The following PELI2 variants were observed in gnomAD, a reference collection of about 807,000 sequenced individuals.
PELI2 encodes the protein E3 ubiquitin-protein ligase pellino homolog 2.
In PELI2, 23 loss-of-function variants were observed where a neutral mutation model predicts 42.3. The observed-to-expected ratio is 0.54, with a 90% CI of 0.39 to 0.77. PELI2 has a LOEUF of 0.77. PELI2 is among the 30% of genes least tolerant of loss of function. PELI2 has a pLI of 0.00. For synonymous variants in PELI2, 245 were observed against 212.2 expected (o/e 1.15, Z -1.34); for missense variants, 463 against 553.2 (o/e 0.84, Z 1.64).
At chr14:56,151,981 A>C (rs562391968) in intron 1 of PELI2, among the ~76,000 whole-genome samples, 16 of 152,320 alleles carry the variant, frequency 1.1e-4, no homozygotes, top group African/African-American at 3.8e-4. Context: ...TCAGGGACCC[A>C]GCTTCCATTC....
chr14:56,289,665 A>G (rs943802982), intron 4 of PELI2, among the ~76,000 whole-genome samples: 2 of 152,162 alleles, frequency 1.3e-5, no homozygotes, highest in East Asian at 1.9e-4. Flanking sequence ...TCACCAAGAA[A>G]GCTGAAGGGA....
Position 56,197,759 on chromosome 14 carries a change from A to C in PELI2, c.207+19295A>C, listed in dbSNP as rs1286605663. On this transcript the variant is annotated intron_variant, in intron 2 of 5. Transcript: ENST00000267460. This position sits in a 1 kb window ranked among gnomAD's most constrained non-coding sequence, Gnocchi z 4.9. Reference sequence around the variant, plus strand: ...TAAAGCACATCAGGTAAAAGCTTGCATAGAACGAAAAGATTAACCCAATCC... The same window carrying C: ...TAAAGCACATCAGGTAAAAGCTTGCCTAGAACGAAAAGATTAACCCAATCC... Among the ~76,000 whole-genome samples, 2 of 152,186 alleles carry C rather than the reference A, an allele frequency of 1.3e-5. No individual in the cohort carries two copies. The highest frequency in any genetic ancestry group is 1.9e-4 in the East Asian group (1 of 5,182).
chr14:56,261,808 C>G (rs914236693), intron 2 of PELI2, among the ~76,000 whole-genome samples: 1 of 152,192 alleles, frequency 6.6e-6, no homozygotes, highest in African/African-American at 2.4e-5. Context: ...ATATATTTAT[C>G]TTATAAATCT....
chr14:56,124,923 A>G (rs1033036740), intron 1 of PELI2, among the ~76,000 whole-genome samples: 5 of 152,312 alleles, frequency 3.3e-5, no homozygotes, highest in South Asian at 4.1e-4. Context: ...ATGGGGGGAT[A>G]TCATGAAGGG....
At chr14:56,142,352 A>G (rs1158063356) in intron 1 of PELI2, among the ~76,000 whole-genome samples, 1 of 152,156 alleles carries the variant, frequency 6.6e-6, no homozygotes, top group Non-Finnish European at 1.5e-5. Flanking sequence ...TTAGGCTCCC[A>G]TTTACCAGTA....
At chr14:56,253,964 C>T (rs1357145846) in intron 2 of PELI2, among the ~76,000 whole-genome samples, 7 of 152,176 alleles carry the variant, frequency 4.6e-5, no homozygotes, top group African/African-American at 1.7e-4. Flanking sequence ...GCTACAATAA[C>T]CAAGACAGGA....
At chr14:56,234,266 A>AG (rs1314414516) in intron 2 of PELI2, among the ~76,000 whole-genome samples, 1 of 152,242 alleles carries the variant, frequency 6.6e-6, no homozygotes, top group Non-Finnish European at 1.5e-5. Flanking sequence ...TACCCAAAGG[A>AG]GTATGAATCA....
At chr14:56,222,762 C>T (rs889809738) in intron 2 of PELI2, among the ~76,000 whole-genome samples, 2 of 152,150 alleles carry the variant, frequency 1.3e-5, no homozygotes, top group African/African-American at 2.4e-5. Context: ...GATTCTCTGA[C>T]GCTAGGCTGT....
At chr14:56,194,388 T>G (rs2139693966) in intron 2 of PELI2, among the ~76,000 whole-genome samples, 1 of 152,308 alleles carries the variant, frequency 6.6e-6, no homozygotes, top group East Asian at 1.9e-4. Context: ...TGCATCACGC[T>G]TAAGGTTTTC....
chr14:56,171,198 G>A lies in PELI2; in HGVS notation c.78-7137G>A, dbSNP rs149388810. Among the ~76,000 whole-genome samples, 474 of 152,298 alleles carry A rather than the reference G, an allele frequency of 3.1e-3. 12 individuals carry two copies. Among genetic ancestry groups the A allele is most frequent in the Admixed American group, 0.027 (406 of 15,300 alleles). Reference sequence around the variant, plus strand: ...GAAACTTAATCCCCAATGCAACAGTGTTGAGAGGCGGGACCTATAAGAGGT... The same window carrying A: ...GAAACTTAATCCCCAATGCAACAGTATTGAGAGGCGGGACCTATAAGAGGT... On this transcript the variant is annotated intron_variant, in intron 1 of 5. Transcript: ENST00000267460.
chr14:56,125,440 G>A (rs574141533), intron 1 of PELI2, among the ~76,000 whole-genome samples: 2 of 152,094 alleles, frequency 1.3e-5, no homozygotes, highest in East Asian at 1.9e-4. Context: ...TTGGCAGGGT[G>A]AAATGCTAGG....
Position 56,249,865 on chromosome 14 carries a change from C to T in PELI2, c.208-29811C>T, listed in dbSNP as rs145810039. On this transcript the variant is annotated intron_variant, in intron 2 of 5. Coordinates refer to ENST00000267460, the MANE Select transcript of PELI2 (RefSeq NM_021255.3). ...TAAAGGATCACACATGCCTAGCATG[C>T]GTCATGCGAATCTTGATGTCACTGA... Among the ~76,000 whole-genome samples the T allele has an allele frequency of 2.6e-3, 399 of 152,270 alleles. 1 individual carries two copies. Among genetic ancestry groups the T allele is most frequent in the African/African-American group, 9.1e-3 (379 of 41,542 alleles).
intron 2 of PELI2, among the ~76,000 whole-genome samples, chr14:56,207,008 G>A (rs1052669166): frequency 1.3e-5 from 2 of 152,132 alleles, no homozygotes; most frequent in Non-Finnish European, 2.9e-5. Flanking sequence ...GATTACATGG[G>A]TATTCAATTG....
At chr14:56,125,693 ATAGT>A in intron 1 of PELI2, among the ~76,000 whole-genome samples, 1 of 152,312 alleles carries the variant, frequency 6.6e-6, no homozygotes, top group Middle Eastern at 3.4e-3. Context: ...ACAAGGGCAG[ATAGT>A]TAAGTATCCC....
intron 2 of PELI2, among the ~76,000 whole-genome samples, chr14:56,193,460 C>G (rs1446617206): frequency 6.6e-6 from 1 of 152,112 alleles, no homozygotes; most frequent in Non-Finnish European, 1.5e-5. Context: ...GAAGGGCCTA[C>G]AGAAGGAATA....
intron 1 of PELI2, among the ~76,000 whole-genome samples, chr14:56,123,603 CT>C (rs1369025894): frequency 6.6e-6 from 1 of 152,196 alleles, no homozygotes; most frequent in East Asian, 1.9e-4. Context: ...TCTGGTCTGG[CT>C]TTCTCAGATT....
chr14:56,155,674 C>T (rs966721438), intron 1 of PELI2, among the ~76,000 whole-genome samples: 6 of 151,936 alleles, frequency 3.9e-5, no homozygotes, highest in South Asian at 2.1e-4. Flanking sequence ...CTCCGCCTCC[C>T]GGGTTCGCCC....
At chr14:56,245,300 A>G (rs1293549175) in intron 2 of PELI2, among the ~76,000 whole-genome samples, 1 of 152,198 alleles carries the variant, frequency 6.6e-6, no homozygotes, top group Non-Finnish European at 1.5e-5. Context: ...ATATTAATTA[A>G]TTAGCTTAGA....
intron 2 of PELI2, among the ~76,000 whole-genome samples, chr14:56,274,101 G>A (rs1415796054): frequency 6.6e-6 from 1 of 152,220 alleles, no homozygotes; most frequent in African/African-American, 2.4e-5. Context: ...CTGGCCGAAA[G>A]TGGATACATT....
Sources: gnomAD v4.1 joint callset for allele counts (sites outside exome capture counted in the v4.1 genomes callset) on GRCh38, gnomAD v4.1.1 for gene constraint, Gnocchi (gnomAD v3.1) non-coding constraint, MANE v1.5 for transcripts, NCBI Gene and HGNC (gene_info 2026-07-23, HGNC 2026-07-21) for gene names.